SP110: variants seen among roughly 807,000 people sequenced by gnomAD.
SP110 encodes interferon-induced protein 41, 30kD.
In SP110, 62 loss-of-function variants were observed where a neutral mutation model predicts 92.7. The observed-to-expected ratio is 0.67, with a 90% CI of 0.55 to 0.83. The LOEUF is 0.83. SP110 is among the 40% of genes least tolerant of loss of function. The pLI, the probability that SP110 is intolerant of heterozygous loss-of-function variation, is 0.00. For synonymous variants in SP110, 273 were observed against 305.3 expected, an observed-to-expected ratio of 0.89 and a Z score of 1.10; for missense variants, 793 against 863.9, an observed-to-expected ratio of 0.92 and a Z score of 1.03.
At chr2:230,187,255 G>A in intron 10 of SP110, among the ~76,000 whole-genome samples, 1 of 152,084 alleles carries the variant, frequency 6.6e-6, no homozygotes, top group East Asian at 1.9e-4. Context: ...GATGATTAGT[G>A]ATGTTGAGCA....
chr2:230,173,163 C>T (rs745500124), intron 14 of SP110: 12 of 547,974 alleles, frequency 2.2e-5, no homozygotes, highest in South Asian at 5.4e-5. Flanking sequence ...TGGTGACCGC[C>T]GCCACCAGGA....
rs149661245 is a variant in SP110 at position 230,209,214 on chromosome 2, G to A, written c.829+717C>T. Among the ~76,000 whole-genome samples the A allele has an allele frequency of 5.3e-4, 80 of 152,262 alleles. 3 individuals are homozygous for A. The East Asian group carries it at 0.015, about 28-fold the overall frequency. ...ATCGAGCCAGGTTTGAATGACGATA[G>A]GGTCTATAGCTTGCCTTTGGGTATG... On this transcript the variant is annotated intron_variant, in intron 7 of 18. Coordinates refer to ENST00000258381, the MANE Select transcript of SP110 (RefSeq NM_080424.4).
chr2:230,185,649 T>C (rs757421937), intron 11 of SP110, among the ~76,000 whole-genome samples: 2 of 152,230 alleles, frequency 1.3e-5, no homozygotes, highest in Admixed American at 6.5e-5. Context: ...TGTGTCCACT[T>C]TGAGGATTGG....
At position 230,169,075 on chromosome 2, in the gene SP110, C is replaced by T. The variant is rs199942356; in HGVS notation, c.*49G>A. 5 of 1,241,620 alleles carry T rather than the reference C, an allele frequency of 4.0e-6. No homozygotes were observed. Among genetic ancestry groups the T allele is most frequent in the Non-Finnish European group, 5.9e-6 (5 of 840,800 alleles). 76.9% of individuals were successfully genotyped at this position (1,241,620 alleles called of 1,614,324 possible). Reference sequence around the variant, plus strand: ...CAATCAACAGTCCAAGCCAGGGTCCCATCAGCTGAATCCTGAGGTGGGGAT... The same window carrying T: ...CAATCAACAGTCCAAGCCAGGGTCCTATCAGCTGAATCCTGAGGTGGGGAT... On this transcript the variant is annotated 3_prime_UTR_variant, in exon 19 of 19. Transcript: ENST00000258381.
In SP110 at chr2:230,168,895, T is replaced by C; in HGVS notation, c.*229A>G. 1 of 447,778 alleles carries C rather than the reference T, an allele frequency of 2.2e-6. No individual in the cohort carries two copies. The highest frequency in any genetic ancestry group is 4.1e-6 in the Non-Finnish European group (1 of 244,252). 27.7% of individuals were successfully genotyped at this position (447,778 alleles called of 1,614,324 possible). A position where few individuals can be genotyped will look rare whatever the true frequency, so the allele number is the denominator to read the frequency against. On this transcript the variant is annotated 3_prime_UTR_variant, in exon 19 of 19. Coordinates refer to ENST00000258381, the MANE Select transcript of SP110 (RefSeq NM_080424.4). ...AGAATGTGAACTATGATGGGGTATC[T>C]GATGGTATTAAGGAAGTATTAATTT...
chr2:230,212,518 G>A (rs1048462639), intron 4 of SP110, 88 bp from the exon 5 acceptor site: 23 of 1,151,866 alleles, frequency 2.0e-5, no homozygotes, highest in South Asian at 1.1e-4. Context: ...GGCAGATAGA[G>A]CATCAAGGCA....
intron 9 of SP110, among the ~76,000 whole-genome samples, chr2:230,202,080 T>C (rs2043238049): frequency 6.6e-6 from 1 of 152,248 alleles, no homozygotes; most frequent in Admixed American, 6.5e-5. Context: ...TCAAAGAGAT[T>C]TGCACAAACA....
rs201250753 is a variant in SP110, at chr2:230,165,723, T to TA, written c.*3400dup. Among the ~76,000 whole-genome samples the TA allele has an allele frequency of 6.6e-6, 1 of 151,856 alleles. No homozygotes were observed. The highest frequency in any genetic ancestry group is 1.5e-5 in the Non-Finnish European group (1 of 67,974). On this transcript the variant is annotated 3_prime_UTR_variant, in exon 19 of 19. Transcript: ENST00000258381. Reference sequence around the variant, plus strand: ...GATATTTTATTTTTGACTTTGACATTAAAAAAATAAGTCAAAATGCATTGG... The same window carrying TA: ...GATATTTTATTTTTGACTTTGACATTAAAAAAAATAAGTCAAAATGCATTGG...
At chr2:230,170,182 C>T (rs1433325818) in intron 18 of SP110, among the ~76,000 whole-genome samples, 1 of 152,136 alleles carries the variant, frequency 6.6e-6, no homozygotes, top group Admixed American at 6.5e-5. Flanking sequence ...ATGTTTGAGT[C>T]CAATGAGAAA....
In SP110 at chr2:230,177,603, T is replaced by G. The variant is rs779682574; in HGVS notation, c.1525A>C (p.Arg509=). ...TTCCGTTTCCAGTTCTTTGCGTTCC[T>G]TCCTTTTCCTTCGACTTCAAATTCA... ...PNEFEVEGKG[R]NAKNWKRNIR... Residue 509 remains arginine (R), a synonymous_variant, in exon 14 of 19, where the codon AGG becomes CGG. Coordinates refer to ENST00000258381, the MANE Select transcript of SP110 (RefSeq NM_080424.4). The G allele has an allele frequency of 3.1e-6, 5 of 1,614,042 alleles. No individual in the cohort carries two copies. The highest frequency in any genetic ancestry group is 4.2e-6 in the Non-Finnish European group (5 of 1,179,952).
At chr2:230,202,006 A>G (rs1316751097) in intron 9 of SP110, among the ~76,000 whole-genome samples, 1 of 152,240 alleles carries the variant, frequency 6.6e-6, no homozygotes, top group Non-Finnish European at 1.5e-5. Flanking sequence ...AAAGCAACAT[A>G]TCACAACTGA....
Position 230,211,902 on chromosome 2 carries a change from G to A in SP110, c.668-349C>T, listed in dbSNP as rs4973299. Among the ~76,000 whole-genome samples the A allele has an allele frequency of 0.92, 139,414 of 152,264 alleles. 63,977 individuals carry two copies. The highest frequency in any genetic ancestry group is 1 in the East Asian group (5,172 of 5,184). ...ATGCCCAATATCATACCATTCTTAC[G>A]TTTAATGTAATCAAACTCCATTATG... On this transcript the variant is annotated intron_variant, in intron 5 of 18. Coordinates refer to ENST00000258381, the MANE Select transcript of SP110 (RefSeq NM_080424.4). This position sits in a 1 kb window ranked among gnomAD's most constrained non-coding sequence, Gnocchi z 4.2.
At chr2:230,209,642 A>G (rs528584779) in intron 7 of SP110, among the ~76,000 whole-genome samples, 1 of 152,326 alleles carries the variant, frequency 6.6e-6, no homozygotes, top group South Asian at 2.1e-4. Flanking sequence ...TCAGTTAAAG[A>G]GGGAAGTGCA....
At chr2:230,186,189 T>A in intron 10 of SP110, 46 bp from the exon 11 acceptor site, 2 of 1,599,132 alleles carry the variant, frequency 1.3e-6, no homozygotes, top group Middle Eastern at 1.7e-4. Context: ...TCCCTTCTCA[T>A]GTTCCCAGCC....
At position 230,225,175 on chromosome 2, in the gene SP110, G is replaced by C. The variant is rs538157796; in HGVS notation, c.-64+360C>G. Among the ~76,000 whole-genome samples the C allele has an allele frequency of 7.2e-5, 11 of 152,304 alleles. No individual in the cohort carries two copies. The South Asian group carries it at 1.7e-3, about 23-fold the overall frequency. ...ATTTTTTTCCCAGTCACCCCTGGCT[G>C]CTGTTGTAAAGTGCCCACATATTTG... is the stretch of plus-strand genomic sequence containing the variant. On this transcript the variant is annotated intron_variant, in intron 1 of 15. Coordinates refer to the SP110 transcript ENST00000540870.
At position 230,209,985 on chromosome 2, in the gene SP110, GT is replaced by G. The variant is rs1487222427; in HGVS notation, c.774del (p.Glu258AspfsTer74). On this transcript the variant is annotated frameshift_variant, in exon 7 of 19. Coordinates refer to ENST00000258381, the MANE Select transcript of SP110 (RefSeq NM_080424.4). LOFTEE classifies it high-confidence loss of function. ...SMPEIRDNSP[E>X]PNDPEEPQEV... ...TCCTGGGGCTCTTCTGGGTCATTTG[GT>G]TCTGGAGAATTATCTCTTATCTCTG... is the stretch of plus-strand genomic sequence containing the variant. 1 of 1,606,520 alleles carries G rather than the reference GT, an allele frequency of 6.2e-7. No homozygotes were observed. The highest frequency in any genetic ancestry group is 1.7e-5 in the Admixed American group (1 of 60,024).
chr2:230,169,565 C>A (rs1560518867), intron 18 of SP110, among the ~76,000 whole-genome samples: 1 of 152,132 alleles, frequency 6.6e-6, no homozygotes, highest in Non-Finnish European at 1.5e-5. Context: ...TCAGATGATT[C>A]CCTCACCTCG....
In SP110 at chr2:230,211,757, G is replaced by A. The variant is rs561714403; in HGVS notation, c.668-204C>T. 6.6e-6 allele frequency among the ~76,000 whole-genome samples: 1 copy of A among 152,268 alleles called. No individual in the cohort carries two copies. The highest frequency in any genetic ancestry group is 2.1e-4 in the South Asian group (1 of 4,832). ...GTTCTTCCATTGCTGTTAGCTTCCT[G>A]ATTATGTTAACCTTTTTGGATGGTA... On this transcript the variant is annotated intron_variant, in intron 5 of 18. Transcript: ENST00000258381. The surrounding 1 kb of genome is among the most constrained non-coding windows in gnomAD (Gnocchi z 4.2).
chr2:230,214,942 C>A lies in SP110; in HGVS notation c.316+8G>T. The A allele has an allele frequency of 6.2e-7, 1 of 1,613,252 alleles. No homozygotes were observed. The highest frequency in any genetic ancestry group is 8.5e-7 in the Non-Finnish European group (1 of 1,179,252). On this transcript the variant is annotated splice_region_variant and intron_variant, in intron 3 of 18. Coordinates refer to ENST00000258381, the MANE Select transcript of SP110 (RefSeq NM_080424.4). ...TAAATGCAAAAAGCACTTGAGAAAT[C>A]TCATTACCACGTTTGAAGCTTCTGT...
Sources: allele counts gnomAD v4.1 joint callset (sites outside exome capture counted in the v4.1 genomes callset), GRCh38; gene constraint gnomAD v4.1.1; non-coding constraint Gnocchi (gnomAD v3.1); transcripts MANE v1.5; gene names NCBI Gene and HGNC (gene_info 2026-07-23, HGNC 2026-07-21).